The following PLIN5 variants were observed in gnomAD, a reference collection of about 807,000 sequenced individuals.
PLIN5 encodes perilipin 5.
In PLIN5, 34 loss-of-function variants were observed where a neutral mutation model predicts 32.8. That is an observed-to-expected ratio of 1.04 (90% CI 0.79 to 1.38). PLIN5 has a LOEUF of 1.38. Among genes scored for constraint, PLIN5 ranks in the 40% most tolerant of loss-of-function variants. PLIN5 has a pLI of 0.00. For synonymous variants in PLIN5, 309 were observed against 292.9 expected, an observed-to-expected ratio of 1.05 and a Z score of -0.56; for missense variants, 712 against 660.5, an observed-to-expected ratio of 1.08 and a Z score of -0.85.
chr19:4,533,155 G>A (rs892171583), intron 2 of PLIN5: 1 of 151,170 alleles, frequency 6.6e-6, no homozygotes. Context: ...GAGTGCAGTG[G>A]CGTGATCTCG....
intron 7 of PLIN5, among the ~76,000 whole-genome samples, chr19:4,524,731 AAAT>A (rs1330322375): frequency 1.3e-5 from 2 of 151,774 alleles, no homozygotes; most frequent in Non-Finnish European, 2.9e-5. Flanking sequence ...ATAAATAATA[AAAT>A]AATAAAACTC....
rs780310900 is a variant in PLIN5, at chr19:4,523,894, G to A, written c.1026C>T (p.Ala342=). 3.1e-5 allele frequency: 47 copies of A among 1,516,132 alleles called. No individual in the cohort carries two copies. The highest frequency in any genetic ancestry group is 1.8e-4 in the Middle Eastern group (1 of 5,688). 93.9% of individuals were successfully genotyped at this position (1,516,132 alleles called of 1,614,324 possible). A position where few individuals can be genotyped will look rare whatever the true frequency, so the allele number is the denominator to read the frequency against. The change falls in exon 8 of 8, where the codon GCC becomes GCT. Residue 342 remains alanine, a synonymous_variant. Coordinates refer to ENST00000381848, the MANE Select transcript of PLIN5 (RefSeq NM_001013706.3). This position sits in a 1 kb window ranked among gnomAD's most constrained non-coding sequence, Gnocchi z 5.0. ...CGCGACCCCGGCCCTCGGCCAGCGC[G>A]GCCGCTGGCACGTCCCTGAAGCAGC... ...DARCFRDVPA[A]ALAEGRGRVA...
rs1306783340 is a variant in PLIN5, at chr19:4,525,297, G to A, written c.721-221C>T. The stretch of plus-strand genomic sequence containing the variant: ...ACAGACCTGACTCAGGGGCTCACAG[G>A]TGCCCTCTGGTGGCTGCTGCGGGGA... On this transcript the variant is annotated intron_variant, in intron 6 of 7. Transcript: ENST00000381848. This position sits in a 1 kb window ranked among gnomAD's most constrained non-coding sequence, Gnocchi z 5.6. Among the ~76,000 whole-genome samples, 1 of 152,182 alleles carries A rather than the reference G, an allele frequency of 6.6e-6. No homozygotes were observed. Among genetic ancestry groups the A allele is most frequent in the Non-Finnish European group, 1.5e-5 (1 of 68,028 alleles).
chr19:4,523,860 C>A lies in PLIN5; in HGVS notation c.1060G>T (p.Ala354Ser). ...LAEGRGRVAH[A>S]HACVDELLEL... The stretch of plus-strand genomic sequence containing the variant: ...AGCAGCTCGTCCACGCAGGCGTGCG[C>A]GTGGGCCACGCGACCCCGGCCCTCG... Residue 354 changes from alanine to serine, a missense_variant, in exon 8 of 8, where the codon GCG becomes TCG. By Grantham distance (99) the Ala-to-Ser change is moderately conservative. Transcript: ENST00000381848. This position sits in a 1 kb window ranked among gnomAD's most constrained non-coding sequence, Gnocchi z 5.0. The A allele has an allele frequency of 6.5e-7, 1 of 1,546,088 alleles. No individual in the cohort carries two copies. Among genetic ancestry groups the A allele is most frequent in the East Asian group, 2.4e-5 (1 of 42,206 alleles).
At chr19:4,528,804 C>A in intron 5 of PLIN5, 1 of 377,416 alleles carries the variant, frequency 2.6e-6, no homozygotes, top group Non-Finnish European at 4.7e-6. Context: ...TTAAAACACG[C>A]TGCACAGGCA....
At position 4,529,802 on chromosome 19, in the gene PLIN5, G is replaced by T; in HGVS notation, c.321C>A (p.Leu107=). The change falls in exon 4 of 8, where the codon CTC becomes CTA. Residue 107 remains leucine (L), a synonymous_variant. Coordinates refer to ENST00000381848, the MANE Select transcript of PLIN5 (RefSeq NM_001013706.3). ...LDKLEEKLPF[L]QQPSETVVTS... ...GGGGTACCGTCTCCGAAGGTTGCTG[G>T]AGAAAGGGAAGCTTCTCTTCCAGCT... 6.2e-7 allele frequency: 1 copy of T among 1,611,806 alleles called. No individual in the cohort carries two copies. The highest frequency in any genetic ancestry group is 8.5e-7 in the Non-Finnish European group (1 of 1,178,350).
chr19:4,528,979 G>A (rs1468591845), intron 5 of PLIN5, 94 bp downstream of exon 5: 2 of 1,329,872 alleles, frequency 1.5e-6, no homozygotes, highest in Non-Finnish European at 2.1e-6. Context: ...TCTGCTGTGT[G>A]ACCTTGGGTG....
chr19:4,528,867 G>A (rs1976841219), intron 5 of PLIN5: 4 of 499,322 alleles, frequency 8.0e-6, no homozygotes, highest in Non-Finnish European at 1.0e-5. Flanking sequence ...TATGCCCTTA[G>A]GGTCTGGGTG....
Position 4,522,779 on chromosome 19 carries a change from C to T in PLIN5, c.*749G>A, listed in dbSNP as rs1976746543. Reference sequence around the variant, plus strand: ...CTCACTGCAGCCTCCAACTCCTGGGCTCAAGCAGTCCTCCCACCTTGGCCT... The same window carrying T: ...CTCACTGCAGCCTCCAACTCCTGGGTTCAAGCAGTCCTCCCACCTTGGCCT... On this transcript the variant is annotated 3_prime_UTR_variant, in exon 8 of 8. Transcript: ENST00000381848. 1 of 151,706 alleles carries T rather than the reference C, an allele frequency of 6.6e-6. No homozygotes were observed. Among genetic ancestry groups the T allele is most frequent in the Admixed American group, 6.6e-5 (1 of 15,188 alleles). 9.4% of individuals were successfully genotyped at this position (151,706 alleles called of 1,614,324 possible).
At chr19:4,528,815 T>G in intron 5 of PLIN5, 1 of 393,374 alleles carries the variant, frequency 2.5e-6, no homozygotes, top group Non-Finnish European at 4.5e-6. Context: ...TGCACAGGCA[T>G]TTGGGGGCCA....
chr19:4,523,494 T>C lies in PLIN5; in HGVS notation c.*34A>G. 1.3e-6 allele frequency: 2 copies of C among 1,521,974 alleles called. No individual in the cohort carries two copies. The highest frequency in any genetic ancestry group is 1.8e-6 in the Non-Finnish European group (2 of 1,131,708). The allele number at this position is 1,521,974 out of a possible 1,614,324, so 94.3% of individuals were successfully genotyped here. ...GGCAGCAGGGATCGGGGTGTGCAGG[T>C]GGCCTTTCCTCCCCGCCTCCACTGG... On this transcript the variant is annotated 3_prime_UTR_variant, in exon 8 of 8. Coordinates refer to ENST00000381848, the MANE Select transcript of PLIN5 (RefSeq NM_001013706.3). The surrounding 1 kb of genome is among the most constrained non-coding windows in gnomAD (Gnocchi z 5.0).
At chr19:4,531,344 C>T (rs1045316802) in intron 3 of PLIN5, among the ~76,000 whole-genome samples, 14 of 151,878 alleles carry the variant, frequency 9.2e-5, no homozygotes, top group East Asian at 5.8e-4. Context: ...GGTCTCGCTA[C>T]GTTGCTCTGG....
chr19:4,529,650 C>A (rs1038503604), intron 4 of PLIN5, 134 bp downstream of exon 4: 1 of 647,752 alleles, frequency 1.5e-6, no homozygotes. Flanking sequence ...CACACACACA[C>A]GTTGCAGTTA....
At chr19:4,524,848 G>A in intron 7 of PLIN5, 115 bp downstream of exon 7, 3 of 836,904 alleles carry the variant, frequency 3.6e-6, no homozygotes, top group Non-Finnish European at 5.2e-6. Context: ...CTTGGTTTGA[G>A]ATAGCTTGAG....
chr19:4,531,825 G>A lies in PLIN5; in HGVS notation c.61-3C>T, dbSNP rs969743638. 7 of 1,540,508 alleles carry A rather than the reference G, an allele frequency of 4.5e-6. No homozygotes were observed. Among genetic ancestry groups the A allele is most frequent in the Non-Finnish European group, 6.1e-6 (7 of 1,142,676 alleles). On this transcript the variant is annotated splice_region_variant and splice_polypyrimidine_tract_variant and intron_variant, in intron 2 of 7. Transcript: ENST00000381848. ...GCCACCACACGCTGCACCACGTTCT[G>A]CGGGAAGGGTCGGCATCAGGGGGAC... is the stretch of plus-strand genomic sequence containing the variant.
At position 4,525,531 on chromosome 19, in the gene PLIN5, C is replaced by T. The variant is rs562251624; in HGVS notation, c.720+102G>A. ...AGCTGGAGACAGCTGCACCCAGCTCCGCCTCCTGCTTTAGGCTAGCACGGG... is the reference window on the plus strand; with the variant it reads ...AGCTGGAGACAGCTGCACCCAGCTCTGCCTCCTGCTTTAGGCTAGCACGGG... On this transcript the variant is annotated intron_variant, in intron 6 of 7. Transcript: ENST00000381848. This position sits in a 1 kb window ranked among gnomAD's most constrained non-coding sequence, Gnocchi z 5.6. 1.8e-4 allele frequency: 253 copies of T among 1,407,888 alleles called. No homozygotes were observed. The African/African-American group carries it at 3.0e-3, about 17-fold the overall frequency. 87.2% of individuals were successfully genotyped at this position (1,407,888 alleles called of 1,614,324 possible). A position where few individuals can be genotyped will look rare whatever the true frequency, so the allele number is the denominator to read the frequency against.
rs1976842088 is a variant in PLIN5, at chr19:4,528,942, G to A, written c.520+131C>T. 1.1e-5 allele frequency: 11 copies of A among 1,014,920 alleles called. No individual in the cohort carries two copies. The South Asian group carries it at 1.9e-4, about 18-fold the overall frequency. 62.9% of individuals were successfully genotyped at this position (1,014,920 alleles called of 1,614,324 possible). ...AGTGACCGGGAGGGAGGACAGGCCT[G>A]GTTTTGAGTTGTATGTTTCCTGCTG... On this transcript the variant is annotated intron_variant, in intron 5 of 7. Transcript: ENST00000381848.
In PLIN5 at chr19:4,524,051, A is replaced by C. The variant is rs1414724966; in HGVS notation, c.869T>G (p.Leu290Arg). The C allele has an allele frequency of 1.4e-6, 2 of 1,469,398 alleles. No homozygotes were observed. Among genetic ancestry groups the C allele is most frequent in the Non-Finnish European group, 1.8e-6 (2 of 1,118,906 alleles). The allele number at this position is 1,469,398 out of a possible 1,614,324, so 91.0% of individuals were successfully genotyped here. The change falls in exon 8 of 8, where the codon CTG becomes CGG. Residue 290 changes from leucine to arginine, a missense_variant. Transcript: ENST00000381848. ...ELETLVLSRSLTQELQGTVEA... is the reference protein window; with the variant it reads ...ELETLVLSRSRTQELQGTVEA... ...TACCGTGCCCTGCAGCTCCTGGGTC[A>C]GGCTGCGGGACAGCACCAGCGTCTC...
Position 4,525,206 on chromosome 19 carries a change from TG to T in PLIN5, c.721-131del. 1 of 598,084 alleles carries T rather than the reference TG, an allele frequency of 1.7e-6. No individual in the cohort carries two copies. Among genetic ancestry groups the T allele is most frequent in the Non-Finnish European group, 2.8e-6 (1 of 352,190 alleles). The allele number at this position is 598,084 out of a possible 1,614,324, so 37.0% of individuals were successfully genotyped here. A position where few individuals can be genotyped will look rare whatever the true frequency, so the allele number is the denominator to read the frequency against. On this transcript the variant is annotated intron_variant, in intron 6 of 7. Coordinates refer to ENST00000381848, the MANE Select transcript of PLIN5 (RefSeq NM_001013706.3). The surrounding 1 kb of genome is among the most constrained non-coding windows in gnomAD (Gnocchi z 5.6). ...GACCGAGGCAGGTTGTGCAGGGCCG[TG>T]GGGAAGACTTGGGCTTGGACCCCAA...
Sources: allele counts gnomAD v4.1 joint callset (sites outside exome capture counted in the v4.1 genomes callset), GRCh38; gene constraint gnomAD v4.1.1; non-coding constraint Gnocchi (gnomAD v3.1); transcripts MANE v1.5; gene names NCBI Gene and HGNC (gene_info 2026-07-23, HGNC 2026-07-21).